Variants in PCGF3 observed in about 807,000 individuals in gnomAD.
The protein encoded by PCGF3 is polycomb group ring finger 3.
In PCGF3, 7 loss-of-function variants were observed where a neutral mutation model predicts 33.1. That is an observed-to-expected ratio of 0.21 (90% CI 0.12 to 0.40). PCGF3 has a LOEUF of 0.40. Among genes scored for constraint, PCGF3 ranks in the 10% least tolerant of loss-of-function variants. PCGF3 has a pLI of 1.00. For missense variants in PCGF3, 211 were observed against 313.3 expected (o/e 0.67, Z 2.46); for synonymous variants, 153 against 121.3 (o/e 1.26, Z -1.72).
chr4:766,435 A>G (rs1363250842), exon 11 of PCGF3: 12 of 195,406 alleles, frequency 6.1e-5, no homozygotes, highest in Admixed American at 5.4e-4. Context: ...ACTTCAGTTT[A>G]GTTTATGAAT....
intron 1 of PCGF3, among the ~76,000 whole-genome samples, chr4:716,174 C>G (rs1173722156): frequency 3.2e-5 from 3 of 92,668 alleles, no homozygotes; most frequent in Non-Finnish European, 7.1e-5. Context: ...AACTGGGCGT[C>G]GGTGCTGGAA....
At chr4:756,065 C>T (rs1401293565) in intron 8 of PCGF3, among the ~76,000 whole-genome samples, 1 of 151,682 alleles carries the variant, frequency 6.6e-6, no homozygotes, top group Non-Finnish European at 1.5e-5. Context: ...AGGCACATGC[C>T]ACCATACCCA....
exon 11 of PCGF3, chr4:766,235 G>A (rs1188069337): frequency 1.8e-5 from 11 of 618,862 alleles, no homozygotes; most frequent in African/African-American, 3.7e-5. Context: ...CACTCAACAA[G>A]ACACTACCAG....
At chr4:719,690 G>T (rs142297868) in intron 1 of PCGF3, among the ~76,000 whole-genome samples, 1 of 152,236 alleles carries the variant, frequency 6.6e-6, no homozygotes, top group Non-Finnish European at 1.5e-5. Context: ...GGGCAGGACG[G>T]TGCAGGGCGG....
intron 1 of PCGF3, among the ~76,000 whole-genome samples, chr4:708,043 C>T (rs1293225744): frequency 1.4e-5 from 2 of 143,462 alleles, no homozygotes; most frequent in African/African-American, 5.1e-5. Context: ...TGGGACAGCC[C>T]TGTTTTCACC....
intron 8 of PCGF3, among the ~76,000 whole-genome samples, chr4:749,789 C>CT (rs34340653): frequency 4.0e-5 from 6 of 150,490 alleles, no homozygotes; most frequent in East Asian, 1.9e-4. Context: ...TTTCTTAAAA[C>CT]TTTTTTTTTT....
chr4:734,769 C>G, intron 4 of PCGF3, 162 bp from the exon 5 acceptor site: 1 of 1,402,958 alleles, frequency 7.1e-7, no homozygotes, highest in Non-Finnish European at 9.3e-7. Context: ...GAGACCAGAA[C>G]GGCAAGATGT....
At chr4:706,252 C>A (rs1198774466) in intron 1 of PCGF3, among the ~76,000 whole-genome samples, 4 of 149,190 alleles carry the variant, frequency 2.7e-5, no homozygotes, top group Non-Finnish European at 6.0e-5. Context: ...CTAGGCAGGA[C>A]GCAGGGAGGG....
intron 8 of PCGF3, among the ~76,000 whole-genome samples, chr4:758,626 C>G (rs1212388257): frequency 7.6e-6 from 1 of 131,242 alleles, no homozygotes; most frequent in Non-Finnish European, 1.7e-5. Context: ...TCTTTCTCCC[C>G]GCGCGGCCCC....
Position 721,853 on chromosome 4 carries a change from A to G in PCGF3, c.-189-8777A>G, listed in dbSNP as rs193057119. Among the ~76,000 whole-genome samples the G allele has an allele frequency of 1.3e-3, 182 of 135,868 alleles. No homozygotes were observed. The highest frequency in any genetic ancestry group is 5.0e-3 in the African/African-American group (168 of 33,606). 89.1% of individuals were successfully genotyped at this position (135,868 alleles called of 152,430 possible). Reference sequence around the variant, plus strand: ...GGTGTCTCTGCATGTGGGTGTGGAAAGAGGCCTGTGGGAGACTGGTGGATG... The same window carrying G: ...GGTGTCTCTGCATGTGGGTGTGGAAGGAGGCCTGTGGGAGACTGGTGGATG... On this transcript the variant is annotated intron_variant, in intron 1 of 10. Transcript: ENST00000362003. This position sits in a 1 kb window ranked among gnomAD's most constrained non-coding sequence, Gnocchi z 4.1.
chr4:731,441 G>A (rs2109595617), intron 3 of PCGF3: 2 of 343,800 alleles, frequency 5.8e-6, no homozygotes, highest in Non-Finnish European at 1.1e-5. Context: ...GAGGCGGTCG[G>A]CTAGCATCCT....
At chr4:752,954 C>T (rs1405284840) in intron 8 of PCGF3, among the ~76,000 whole-genome samples, 1 of 152,266 alleles carries the variant, frequency 6.6e-6, no homozygotes, top group African/African-American at 2.4e-5. Context: ...AAACTCTTCT[C>T]TCACTTCAGT....
intron 1 of PCGF3, among the ~76,000 whole-genome samples, chr4:723,109 G>A (rs570574172): frequency 4.9e-5 from 7 of 141,666 alleles, no homozygotes; most frequent in East Asian, 2.2e-4. Flanking sequence ...CCACACTCGC[G>A]TCATCGCCGT....
At chr4:732,726 C>T (rs1051212175) in intron 3 of PCGF3, among the ~76,000 whole-genome samples, 3 of 152,170 alleles carry the variant, frequency 2.0e-5, no homozygotes, top group Non-Finnish European at 4.4e-5. Flanking sequence ...CAGTTTGGGT[C>T]GCGGCTTTCC....
chr4:722,311 G>A (rs1057227559), intron 1 of PCGF3: 14 of 176,890 alleles, frequency 7.9e-5, no homozygotes, highest in African/African-American at 2.9e-4. Flanking sequence ...TATCCAGACG[G>A]CTGTGTGCTG....
At chr4:748,396 C>T (rs1353057742) in intron 8 of PCGF3, among the ~76,000 whole-genome samples, 1 of 152,188 alleles carries the variant, frequency 6.6e-6, no homozygotes, top group Non-Finnish European at 1.5e-5. Flanking sequence ...GACAGGGTTT[C>T]ACCACGTTGG....
intron 6 of PCGF3, among the ~76,000 whole-genome samples, chr4:742,725 G>C (rs1195877502): frequency 6.6e-6 from 1 of 152,218 alleles, no homozygotes; most frequent in Non-Finnish European, 1.5e-5. Flanking sequence ...TGGCAGGTGT[G>C]GGTGAGGATG....
exon 11 of PCGF3, chr4:769,585 C>T (rs536976793): frequency 3.6e-4 from 55 of 152,768 alleles, no homozygotes; most frequent in African/African-American, 1.2e-3. Context: ...TTGTACGGGA[C>T]AGGGTGCGGG....
At chr4:714,381 C>G (rs142700027) in intron 1 of PCGF3, among the ~76,000 whole-genome samples, 1 of 152,192 alleles carries the variant, frequency 6.6e-6, no homozygotes, top group African/African-American at 2.4e-5. Context: ...CACCTGTGAG[C>G]GGCTCCGGAC....
Sources: allele counts gnomAD v4.1 joint callset (sites outside exome capture counted in the v4.1 genomes callset), GRCh38; gene constraint gnomAD v4.1.1; non-coding constraint Gnocchi (gnomAD v3.1); transcripts MANE v1.5; gene names NCBI Gene and HGNC (gene_info 2026-07-23, HGNC 2026-07-21).